GRID2: variants seen among roughly 807,000 people sequenced by gnomAD.
GRID2 encodes glutamate ionotropic receptor delta type subunit 2, also known as glutamate receptor ionotropic, delta-2.
A neutral mutation model predicts 114.8 loss-of-function variants in GRID2; 33 were observed. The ratio of observed to expected loss-of-function variants is 0.29; its 90% CI spans 0.22 to 0.38. The LOEUF (loss-of-function observed/expected upper bound fraction) is 0.38, where lower values mean the gene tolerates loss of function less well. Among genes scored for constraint, GRID2 ranks in the 10% least tolerant of loss-of-function variants. GRID2 has a pLI of 1.00. For missense variants in GRID2, 1,184 were observed against 1,257.7 expected (o/e 0.94, Z 0.89); for synonymous variants, 505 against 449.9 (o/e 1.12, Z -1.55).
At chr4:93,395,254 T>C (rs1203308621) in intron 8 of GRID2, among the ~76,000 whole-genome samples, 2 of 151,958 alleles carry the variant, frequency 1.3e-5, no homozygotes, top group African/African-American at 4.8e-5. Flanking sequence ...TAACTTACAG[T>C]AATTGATATA....
At chr4:93,363,606 A>G (rs1358404909) in intron 8 of GRID2, among the ~76,000 whole-genome samples, 2 of 152,016 alleles carry the variant, frequency 1.3e-5, no homozygotes, top group South Asian at 2.1e-4. Flanking sequence ...CTTTCTTGCA[A>G]TGTATGTATT....
rs947080633 is a variant in GRID2, at chr4:92,413,235, C to G, written c.88+108491C>G. ...TAGGAGGCATGTAGCTTTTTCATTG[C>G]TCTACCCTTACCCAGTCATAGCATT... On this transcript the variant is annotated intron_variant, in intron 1 of 15. Transcript: ENST00000282020. 5.9e-5 allele frequency among the ~76,000 whole-genome samples: 9 copies of G among 152,138 alleles called. 1 individual carries two copies. Among genetic ancestry groups the G allele is most frequent in the Non-Finnish European group, 1.3e-4 (9 of 68,014 alleles).
In GRID2 at chr4:92,801,425, T is replaced by A. The variant is rs1007768907; in HGVS notation, c.244+211139T>A. Reference sequence around the variant, plus strand: ...GCAAAAACCCTTTACGCTTCTCTCTTCAATTCTTAAAATTCCACCCCCATT... The same window carrying A: ...GCAAAAACCCTTTACGCTTCTCTCTACAATTCTTAAAATTCCACCCCCATT... On this transcript the variant is annotated intron_variant, in intron 2 of 15. Coordinates refer to ENST00000282020, the MANE Select transcript of GRID2 (RefSeq NM_001510.4). Among the ~76,000 whole-genome samples, 3 of 152,100 alleles carry A rather than the reference T, an allele frequency of 2.0e-5. No homozygotes were observed. In the South Asian group the frequency reaches 6.2e-4, roughly 32 times the overall value.
intron 1 of GRID2, among the ~76,000 whole-genome samples, chr4:92,309,043 A>G (rs1446574429): frequency 6.6e-6 from 1 of 152,084 alleles, no homozygotes; most frequent in Non-Finnish European, 1.5e-5. Flanking sequence ...CTAATAAGCC[A>G]TTACACTAAG....
At chr4:93,755,911 TA>T (rs1387329283) in intron 14 of GRID2, among the ~76,000 whole-genome samples, 1 of 152,220 alleles carries the variant, frequency 6.6e-6, no homozygotes, top group Non-Finnish European at 1.5e-5. Context: ...TAATCTTTAT[TA>T]ACTTATTATG....
intron 2 of GRID2, among the ~76,000 whole-genome samples, chr4:92,679,730 G>A (rs1218398555): frequency 2.6e-5 from 4 of 151,850 alleles, no homozygotes; most frequent in Non-Finnish European, 5.9e-5. Context: ...TGTGAAAACT[G>A]TCATCATTCA....
rs924234021 is a variant in GRID2, at chr4:92,822,073, A to C, written c.244+231787A>C. ...GGCCATCAGCAGACCAGAGAGGTGCAATGGGGAGTCTCTGCCTTGCTGCAG... is the reference window on the plus strand; with the variant it reads ...GGCCATCAGCAGACCAGAGAGGTGCCATGGGGAGTCTCTGCCTTGCTGCAG... On this transcript the variant is annotated intron_variant, in intron 2 of 15. Coordinates refer to ENST00000282020, the MANE Select transcript of GRID2 (RefSeq NM_001510.4). The C allele has an allele frequency of 4.0e-5, 12 of 301,014 alleles. No individual in the cohort carries two copies. The East Asian group carries it at 1.2e-3, about 29-fold the overall frequency. 18.6% of individuals were successfully genotyped at this position (301,014 alleles called of 1,614,324 possible).
In GRID2 at chr4:92,384,584, TA is replaced by T. The variant is rs1397209620; in HGVS notation, c.88+79841del. Among the ~76,000 whole-genome samples, 106 of 44,774 alleles carry T rather than the reference TA, an allele frequency of 2.4e-3. 2 individuals are homozygous for T. The highest frequency in any genetic ancestry group is 0.01 in the African/African-American group (103 of 10,276). 29.4% of individuals were successfully genotyped at this position (44,774 alleles called of 152,430 possible). A position where few individuals can be genotyped will look rare whatever the true frequency, so the allele number is the denominator to read the frequency against. ...ATATAATATAATATATAAAATATAT[TA>T]TATTATATATAACATAATATATAAT... is the stretch of plus-strand genomic sequence containing the variant. On this transcript the variant is annotated intron_variant, in intron 1 of 15. Coordinates refer to ENST00000282020, the MANE Select transcript of GRID2 (RefSeq NM_001510.4).
At chr4:92,956,317 C>T (rs558611768) in intron 2 of GRID2, among the ~76,000 whole-genome samples, 1 of 152,260 alleles carries the variant, frequency 6.6e-6, no homozygotes, top group Non-Finnish European at 1.5e-5. Context: ...TTTTTAATGA[C>T]ATATATGCAC....
chr4:93,477,719 G>C (rs1478859000), intron 11 of GRID2, among the ~76,000 whole-genome samples: 2 of 152,088 alleles, frequency 1.3e-5, no homozygotes, highest in African/African-American at 4.8e-5. Context: ...TACTTTCAGT[G>C]GATATTAGTG....
chr4:93,107,774 A>C (rs1394820942), intron 3 of GRID2, among the ~76,000 whole-genome samples: 3 of 152,062 alleles, frequency 2.0e-5, no homozygotes, highest in Non-Finnish European at 4.4e-5. Context: ...GGTTTCAGAC[A>C]TGAGCCAGCA....
At chr4:93,168,125 G>A (rs1738432132) in intron 4 of GRID2, among the ~76,000 whole-genome samples, 1 of 151,996 alleles carries the variant, frequency 6.6e-6, no homozygotes, top group Admixed American at 6.6e-5. Flanking sequence ...GAACCCATGA[G>A]GCAGAGTTTG....
At chr4:93,108,950 A>G (rs1006349479) in intron 3 of GRID2, among the ~76,000 whole-genome samples, 3 of 152,128 alleles carry the variant, frequency 2.0e-5, no homozygotes, top group East Asian at 1.9e-4. Context: ...TTCTAAAGGT[A>G]TATTGGTTCT....
At chr4:92,993,549 A>G (rs2149206906) in intron 2 of GRID2, among the ~76,000 whole-genome samples, 1 of 152,320 alleles carries the variant, frequency 6.6e-6, no homozygotes, top group Non-Finnish European at 1.5e-5. Flanking sequence ...TAATGTTAAA[A>G]TTAATCTCCA....
At chr4:92,665,374 T>C (rs1732722249) in intron 2 of GRID2, among the ~76,000 whole-genome samples, 2 of 151,244 alleles carry the variant, frequency 1.3e-5, no homozygotes, top group South Asian at 4.1e-4. Flanking sequence ...AAACACATTT[T>C]ATGTATTATG....
At chr4:92,914,821 T>C (rs190653233) in intron 2 of GRID2, among the ~76,000 whole-genome samples, 31 of 152,312 alleles carry the variant, frequency 2.0e-4, no homozygotes, top group East Asian at 1.5e-3. Flanking sequence ...CAGTCTATCA[T>C]TGATGGGTGT....
intron 2 of GRID2, among the ~76,000 whole-genome samples, chr4:92,792,255 A>T (rs1739625553): frequency 1.3e-5 from 2 of 151,772 alleles, no homozygotes; most frequent in African/African-American, 2.4e-5. Context: ...AGTGGACCTC[A>T]AGCATGGTAA....
chr4:93,376,538 A>G (rs1240598139), intron 8 of GRID2, among the ~76,000 whole-genome samples: 1 of 152,204 alleles, frequency 6.6e-6, no homozygotes, highest in African/African-American at 2.4e-5. Flanking sequence ...CAAGATACAC[A>G]TGAACTCATA....
chr4:92,671,922 A>C (rs1204183246), intron 2 of GRID2, among the ~76,000 whole-genome samples: 1 of 152,080 alleles, frequency 6.6e-6, no homozygotes, highest in East Asian at 1.9e-4. Flanking sequence ...GTCAGACCAT[A>C]TGGTTTCAGG....
Sources: gnomAD v4.1 joint callset for allele counts (sites outside exome capture counted in the v4.1 genomes callset) on GRCh38, gnomAD v4.1.1 for gene constraint, MANE v1.5 for transcripts, NCBI Gene and HGNC (gene_info 2026-07-23, HGNC 2026-07-21) for gene names.